Variants in IMMP2L observed in about 807,000 individuals in gnomAD.
IMMP2L encodes inner mitochondrial membrane peptidase subunit 2.
IMMP2L carries 18 observed loss-of-function variants against 19.3 expected under a neutral mutation model. That is an observed-to-expected ratio of 0.93 (90% CI 0.64 to 1.38). The LOEUF is 1.38. Among genes scored for constraint, IMMP2L ranks in the 40% most tolerant of loss-of-function variants. IMMP2L has a pLI of 0.00. For synonymous variants in IMMP2L, 76 were observed against 73.0 expected (o/e 1.04, Z -0.21); for missense variants, 233 against 218.2 (o/e 1.07, Z -0.43).
At chr7:110,819,112 TAAC>T (rs1310408688) in intron 5 of IMMP2L, among the ~76,000 whole-genome samples, 3 of 148,578 alleles carry the variant, frequency 2.0e-5, no homozygotes, top group Non-Finnish European at 4.5e-5. Flanking sequence ...AGTATAATAA[TAAC>T]AAAATAAAAA....
At chr7:111,059,742 T>C (rs1019059178) in intron 3 of IMMP2L, among the ~76,000 whole-genome samples, 12 of 152,098 alleles carry the variant, frequency 7.9e-5, no homozygotes, top group South Asian at 2.1e-4. Flanking sequence ...ACAAAGTAAA[T>C]TCTCCCCAAG....
rs1265962810 is a variant in IMMP2L, at chr7:111,123,063, G to A, written c.240-159498C>T. On this transcript the variant is annotated intron_variant, in intron 3 of 5. Coordinates refer to ENST00000405709, the MANE Select transcript of IMMP2L (RefSeq NM_032549.4). This position sits in a 1 kb window ranked among gnomAD's most constrained non-coding sequence, Gnocchi z 6.4. ...ACTTTCCAGTAAACCTTACTGGCCT[G>A]GATTTATCTCAAAACAATTTATCTT... The A allele has an allele frequency of 6.2e-7, 1 of 1,613,676 alleles. No homozygotes were observed. The highest frequency in any genetic ancestry group is 8.5e-7 in the Non-Finnish European group (1 of 1,179,896).
intron 3 of IMMP2L, among the ~76,000 whole-genome samples, chr7:111,073,672 C>T (rs550995306): frequency 1.3e-5 from 2 of 152,086 alleles, no homozygotes; most frequent in South Asian, 2.1e-4. Context: ...TTTTAGGAGT[C>T]TCAAATGTGT....
intron 3 of IMMP2L, among the ~76,000 whole-genome samples, chr7:111,283,985 A>C (rs1563009225): frequency 6.6e-6 from 1 of 150,960 alleles, no homozygotes; most frequent in Non-Finnish European, 1.5e-5. Flanking sequence ...AAAAAAAAAA[A>C]AAAAAAAAGA....
chr7:111,197,526 G>A (rs995452154), intron 3 of IMMP2L, among the ~76,000 whole-genome samples: 3 of 152,030 alleles, frequency 2.0e-5, no homozygotes, highest in African/African-American at 7.2e-5. Context: ...AATTCTCAAG[G>A]TAATATAGCT....
chr7:110,726,614 T>C (rs1795900742), intron 5 of IMMP2L, among the ~76,000 whole-genome samples: 1 of 152,194 alleles, frequency 6.6e-6, no homozygotes, highest in East Asian at 1.9e-4. Context: ...TGATAAGCTG[T>C]GATTTTTGCT....
chr7:111,185,229 T>C (rs1388275772), intron 3 of IMMP2L, among the ~76,000 whole-genome samples: 2 of 152,184 alleles, frequency 1.3e-5, no homozygotes, highest in Non-Finnish European at 2.9e-5. Flanking sequence ...ACAAAAATAC[T>C]GAGACATAAA....
intron 3 of IMMP2L, among the ~76,000 whole-genome samples, chr7:111,342,445 A>C (rs1275560310): frequency 1.3e-5 from 2 of 151,942 alleles, no homozygotes; most frequent in African/African-American, 4.8e-5. Context: ...TACAAAAATT[A>C]GCTGGGCGTG....
intron 3 of IMMP2L, among the ~76,000 whole-genome samples, chr7:111,359,266 C>A (rs1371128324): frequency 6.6e-6 from 1 of 152,018 alleles, no homozygotes; most frequent in African/African-American, 2.4e-5. Flanking sequence ...CCAGGGCATC[C>A]ATGTGAGGTG....
At chr7:111,315,153 G>A (rs17158475) in intron 3 of IMMP2L, among the ~76,000 whole-genome samples, 1 of 152,056 alleles carries the variant, frequency 6.6e-6, no homozygotes, top group South Asian at 2.1e-4. Flanking sequence ...CGCTATCACA[G>A]TCCATCTTAT....
intron 3 of IMMP2L, among the ~76,000 whole-genome samples, chr7:111,479,840 T>C (rs900274369): frequency 6.6e-6 from 1 of 152,136 alleles, no homozygotes; most frequent in Non-Finnish European, 1.5e-5. Flanking sequence ...AAACTTATAG[T>C]TACCTCTCAA....
intron 3 of IMMP2L, among the ~76,000 whole-genome samples, chr7:111,236,038 C>T (rs1814272374): frequency 6.6e-6 from 1 of 152,044 alleles, no homozygotes; most frequent in Admixed American, 6.6e-5. Context: ...GTCTTTTTCA[C>T]ATCTTCCATT....
chr7:111,053,132 G>A (rs934154635), intron 3 of IMMP2L, among the ~76,000 whole-genome samples: 1 of 152,212 alleles, frequency 6.6e-6, no homozygotes, highest in Non-Finnish European at 1.5e-5. Context: ...AAAAGCTTTA[G>A]AGCAGGAACA....
chr7:111,504,957 C>A (rs1293697828), intron 2 of IMMP2L, among the ~76,000 whole-genome samples: 3 of 151,896 alleles, frequency 2.0e-5, no homozygotes, highest in Non-Finnish European at 4.4e-5. Context: ...GCAACAAAAG[C>A]CAAAACTGAC....
chr7:111,450,889 A>C (rs1002332959), intron 3 of IMMP2L, among the ~76,000 whole-genome samples: 1 of 151,578 alleles, frequency 6.6e-6, no homozygotes, highest in African/African-American at 2.4e-5. Flanking sequence ...CCCATCAAAA[A>C]GTGGGCGAGG....
chr7:111,194,283 C>T (rs538630690), intron 3 of IMMP2L, among the ~76,000 whole-genome samples: 23 of 152,188 alleles, frequency 1.5e-4, no homozygotes, highest in Admixed American at 2.6e-4. Context: ...GAGTATTCAT[C>T]CTACATTTAG....
chr7:111,079,808 G>A (rs1187821131), intron 3 of IMMP2L, among the ~76,000 whole-genome samples: 1 of 152,168 alleles, frequency 6.6e-6, no homozygotes, highest in Non-Finnish European at 1.5e-5. Flanking sequence ...GCACTTGGAG[G>A]TGGGGCCTTT....
At position 110,701,921 on chromosome 7, in the gene IMMP2L, T is replaced by C. The variant is rs542777374; in HGVS notation, c.409-38200A>G. Reference sequence around the variant, plus strand: ...TAGTCAAATAAATTGTGTTGCTGAATGGTTTCCTTTTTTTTATTTTTATTT... The same window carrying C: ...TAGTCAAATAAATTGTGTTGCTGAACGGTTTCCTTTTTTTTATTTTTATTT... On this transcript the variant is annotated intron_variant, in intron 5 of 5. Coordinates refer to ENST00000405709, the MANE Select transcript of IMMP2L (RefSeq NM_032549.4). 2.6e-5 allele frequency among the ~76,000 whole-genome samples: 4 copies of C among 152,048 alleles called. No homozygotes were observed. In the South Asian group the frequency reaches 8.3e-4, roughly 32 times the overall value.
rs567134124 is a variant in IMMP2L, at chr7:111,526,304, T to G, written c.-2-4855A>C. On this transcript the variant is annotated intron_variant, in intron 1 of 5. Transcript: ENST00000405709. ...ATGTGCACATAAAAGTATTTAAAAT[T>G]GAATATTTATATTGTTTTAATTGTT... Among the ~76,000 whole-genome samples the G allele has an allele frequency of 5.1e-4, 78 of 152,184 alleles. 2 individuals are homozygous for G. Among genetic ancestry groups the G allele is most frequent in the African/African-American group, 1.7e-3 (72 of 41,448 alleles).
Sources: allele counts gnomAD v4.1 joint callset (sites outside exome capture counted in the v4.1 genomes callset), GRCh38; gene constraint gnomAD v4.1.1; non-coding constraint Gnocchi (gnomAD v3.1); transcripts MANE v1.5; gene names NCBI Gene and HGNC (gene_info 2026-07-23, HGNC 2026-07-21).